Variants in STXBP4 observed in about 807,000 individuals in gnomAD.
STXBP4 encodes syntaxin binding protein 4, also known as syntaxin-binding protein 4.
Under a neutral mutation model 76.1 loss-of-function variants are expected in STXBP4, and 55 were observed. The ratio of observed to expected loss-of-function variants is 0.72; its 90% CI spans 0.58 to 0.91. The LOEUF (loss-of-function observed/expected upper bound fraction) is 0.91. STXBP4 is among the 40% of genes least tolerant of loss of function. The pLI, the probability that STXBP4 is intolerant of heterozygous loss-of-function variation, is 0.00. For synonymous variants in STXBP4, 201 were observed against 220.2 expected (o/e 0.91, Z 0.77); for missense variants, 618 against 636.9 (o/e 0.97, Z 0.32).
At chr17:55,146,529 G>A (rs1303171762) in intron 17 of STXBP4, among the ~76,000 whole-genome samples, 1 of 152,036 alleles carries the variant, frequency 6.6e-6, no homozygotes, top group African/African-American at 2.4e-5. Context: ...GGCTAACACG[G>A]TGAAACCCTG....
At chr17:54,990,725 C>A in intron 3 of STXBP4, 100 bp from the exon 4 acceptor site, 1 of 1,392,760 alleles carries the variant, frequency 7.2e-7, no homozygotes, top group Non-Finnish European at 9.5e-7. Context: ...TGAGGGGTTG[C>A]TGCTCTAGAT....
intron 8 of STXBP4, among the ~76,000 whole-genome samples, chr17:55,022,663 G>C (rs2078335282): frequency 6.6e-6 from 1 of 152,166 alleles, no homozygotes; most frequent in Non-Finnish European, 1.5e-5. Flanking sequence ...CTGAGAAGGT[G>C]AAATTTAAAC....
chr17:55,125,477 T>TATAAAAA (rs2079899224), intron 16 of STXBP4, among the ~76,000 whole-genome samples: 1 of 12,386 alleles, frequency 8.1e-5, no homozygotes, highest in Non-Finnish European at 1.6e-4. Flanking sequence ...CTGGACAAAA[T>TATAAAAA]ACAAAAAAAA....
At chr17:55,143,541 T>A (rs1373006686) in intron 17 of STXBP4, among the ~76,000 whole-genome samples, 2 of 152,200 alleles carry the variant, frequency 1.3e-5, no homozygotes, top group Non-Finnish European at 2.9e-5. Flanking sequence ...TTTGTCTCCT[T>A]ACCTGTTACC....
chr17:55,031,271 T>C lies in STXBP4; in HGVS notation c.763+7T>C, dbSNP rs757330772. Reference sequence around the variant, plus strand: ...GGGACAGTGTCTTTTGGAGGTAATATTAGGTTTATTGTGTTGTATTATCAC... The same window carrying C: ...GGGACAGTGTCTTTTGGAGGTAATACTAGGTTTATTGTGTTGTATTATCAC... On this transcript the variant is annotated splice_region_variant and intron_variant, in intron 9 of 17. Coordinates refer to ENST00000376352, the MANE Select transcript of STXBP4 (RefSeq NM_178509.6). 9 of 1,594,286 alleles carry C rather than the reference T, an allele frequency of 5.6e-6. No individual in the cohort carries two copies. The Admixed American group carries it at 1.2e-4, about 21-fold the overall frequency.
downstream of STXBP4, among the ~76,000 whole-genome samples, chr17:55,174,166 C>A (rs2080420036): frequency 6.6e-6 from 1 of 152,186 alleles, no homozygotes; most frequent in African/African-American, 2.4e-5. Context: ...ATCCCTTTTG[C>A]TTTTCAAGGT....
In STXBP4 at chr17:54,999,331, A is replaced by G. The variant is rs1391594296; in HGVS notation, c.181-14A>G. On this transcript the variant is annotated splice_polypyrimidine_tract_variant and intron_variant, in intron 4 of 17. Transcript: ENST00000376352. ...CCTCATTAGTTCCTTTATAAATGTT[A>G]CTGTTTTTGTTAGGATGGTCGTTTG... The G allele has an allele frequency of 1.9e-6, 3 of 1,587,288 alleles. No individual in the cohort carries two copies. The highest frequency in any genetic ancestry group is 2.2e-5 in the East Asian group (1 of 44,622).
intron 13 of STXBP4, among the ~76,000 whole-genome samples, chr17:55,073,907 G>C (rs563558111): frequency 6.6e-6 from 1 of 152,082 alleles, no homozygotes; most frequent in Non-Finnish European, 1.5e-5. Context: ...GGGATTACAG[G>C]CATGAGCCAC....
chr17:55,036,250 C>T (rs898205683), intron 10 of STXBP4, among the ~76,000 whole-genome samples: 1 of 151,786 alleles, frequency 6.6e-6, no homozygotes, highest in Non-Finnish European at 1.5e-5. Context: ...AAAAATTTTG[C>T]TCTGTTGAAT....
chr17:55,056,459 A>AT (rs1463040183), intron 12 of STXBP4, among the ~76,000 whole-genome samples: 8 of 152,198 alleles, frequency 5.3e-5, no homozygotes, highest in African/African-American at 1.9e-4. Context: ...TAATGACTGA[A>AT]TTGAATACCA....
intron 16 of STXBP4, among the ~76,000 whole-genome samples, chr17:55,115,457 A>G (rs1441706029): frequency 6.6e-6 from 1 of 151,824 alleles, no homozygotes; most frequent in Non-Finnish European, 1.5e-5. Context: ...GTTGACTAAG[A>G]GTATGGTTGC....
At chr17:54,981,085 AAAG>A (rs1383616917) in intron 1 of STXBP4, among the ~76,000 whole-genome samples, 2 of 152,204 alleles carry the variant, frequency 1.3e-5, no homozygotes, top group Non-Finnish European at 2.9e-5. Flanking sequence ...GAAGTTCACA[AAAG>A]AAGATTTGAA....
In STXBP4 at chr17:55,162,675, G is replaced by A. The variant is rs551707553; in HGVS notation, c.*2764G>A. The A allele has an allele frequency of 3.3e-5, 5 of 151,896 alleles. No individual in the cohort carries two copies. The highest frequency in any genetic ancestry group is 5.9e-5 in the Non-Finnish European group (4 of 67,982). The allele number at this position is 151,896 out of a possible 1,614,324, so 9.4% of individuals were successfully genotyped here. A position where few individuals can be genotyped will look rare whatever the true frequency, so the allele number is the denominator to read the frequency against. On this transcript the variant is annotated 3_prime_UTR_variant, in exon 18 of 18. Coordinates refer to ENST00000376352, the MANE Select transcript of STXBP4 (RefSeq NM_178509.6). ...ATCTATTTTATTTAAAAAAAATCAA[G>A]TACTTTGGAAGTGAATAAAGTAAGA...
At chr17:54,999,113 TTACCACGTAAATTTA>T (rs1184644571) in intron 4 of STXBP4, among the ~76,000 whole-genome samples, 5 of 152,156 alleles carry the variant, frequency 3.3e-5, no homozygotes, top group Non-Finnish European at 5.9e-5. Context: ...TAAGAATTCT[TTACCACGTAAATTTA>T]TTCATGCAAT....
At chr17:55,202,563 C>G in the STXBP4 span, among the ~76,000 whole-genome samples, 5 of 151,936 alleles carry the variant, frequency 3.3e-5, no homozygotes, top group Non-Finnish European at 7.4e-5. Flanking sequence ...CTCAGGGCAA[C>G]ACAGGTAGTA....
intron 17 of STXBP4, among the ~76,000 whole-genome samples, chr17:55,157,337 C>T (rs932777901): frequency 2.0e-5 from 3 of 152,188 alleles, no homozygotes; most frequent in East Asian, 1.9e-4. Flanking sequence ...CAGTGGCATT[C>T]CAGCCCTCTC....
chr17:54,972,816 T>A (rs947584858), intron 1 of STXBP4, among the ~76,000 whole-genome samples: 1 of 152,224 alleles, frequency 6.6e-6, no homozygotes, highest in African/African-American at 2.4e-5. Context: ...CAGCAGGAAA[T>A]CTGGCTACCT....
intron 16 of STXBP4, among the ~76,000 whole-genome samples, chr17:55,111,290 A>G (rs907587416): frequency 7.2e-5 from 11 of 152,086 alleles, no homozygotes; most frequent in African/African-American, 2.4e-4. Context: ...TTTGGCCCTA[A>G]CTAGCTGTCT....
chr17:55,160,632 T>C lies in STXBP4; in HGVS notation c.*721T>C, dbSNP rs2080328659. 1 of 152,660 alleles carries C rather than the reference T, an allele frequency of 6.6e-6. No individual in the cohort carries two copies. Among genetic ancestry groups the C allele is most frequent in the Admixed American group, 6.6e-5 (1 of 15,260 alleles). The allele number at this position is 152,660 out of a possible 1,614,324, so 9.5% of individuals were successfully genotyped here. On this transcript the variant is annotated 3_prime_UTR_variant, in exon 18 of 18. Coordinates refer to ENST00000376352, the MANE Select transcript of STXBP4 (RefSeq NM_178509.6). ...GAGCAGTCCCCCTTCCCCCATACCC[T>C]GCTGTCTCCACGGAGGGAGGTCACA...
Sources: gnomAD v4.1 joint callset for allele counts (sites outside exome capture counted in the v4.1 genomes callset) on GRCh38, gnomAD v4.1.1 for gene constraint, MANE v1.5 for transcripts, NCBI Gene and HGNC (gene_info 2026-07-23, HGNC 2026-07-21) for gene names.